The following TRPM7 variants were observed in gnomAD, a reference collection of about 807,000 sequenced individuals.
TRPM7 encodes the protein LTRPC ion channel family member 7.
TRPM7 carries 134 observed loss-of-function variants against 229.7 expected under a neutral mutation model. The observed-to-expected ratio is 0.58, with a 90% CI of 0.51 to 0.67. TRPM7 has a LOEUF of 0.67. Among genes scored for constraint, TRPM7 ranks in the 30% least tolerant of loss-of-function variants. The pLI is 0.00. For synonymous variants in TRPM7, 699 were observed against 715.2 expected (o/e 0.98, Z 0.36); for missense variants, 1,901 against 2,210.0 (o/e 0.86, Z 2.80).
intron 26 of TRPM7, among the ~76,000 whole-genome samples, chr15:50,590,217 T>C (rs1364851556): frequency 1.3e-5 from 2 of 151,724 alleles, no homozygotes; most frequent in African/African-American, 4.8e-5. Flanking sequence ...CAAACCAACA[T>C]GTGATATGAA....
chr15:50,679,251 C>G (rs2062173929), intron 1 of TRPM7, among the ~76,000 whole-genome samples: 2 of 150,896 alleles, frequency 1.3e-5, no homozygotes, highest in Admixed American at 1.3e-4. Context: ...GGCAGGATCA[C>G]TTGAGCCTAG....
At chr15:50,588,911 T>C (rs1318701762) in intron 27 of TRPM7, among the ~76,000 whole-genome samples, 1 of 152,206 alleles carries the variant, frequency 6.6e-6, no homozygotes. Flanking sequence ...TTCTCACTGC[T>C]AGACAATAGG....
intron 1 of TRPM7, among the ~76,000 whole-genome samples, chr15:50,669,088 G>A (rs910099239): frequency 3.3e-5 from 5 of 152,108 alleles, no homozygotes; most frequent in African/African-American, 1.2e-4. Context: ...CTCAAGAAGA[G>A]AGAAATTTAC....
intron 1 of TRPM7, among the ~76,000 whole-genome samples, chr15:50,666,082 GAAAT>G (rs376482429): frequency 2.0e-5 from 3 of 152,146 alleles, no homozygotes; most frequent in Admixed American, 6.6e-5. Flanking sequence ...TCAAAGGAAA[GAAAT>G]AAAATTAAAG....
intron 22 of TRPM7, among the ~76,000 whole-genome samples, chr15:50,596,777 G>A (rs948336335): frequency 5.9e-5 from 9 of 152,150 alleles, no homozygotes; most frequent in Non-Finnish European, 1.0e-4. Context: ...CTGAGACGGA[G>A]TCTTGCTCTG....
In TRPM7 at chr15:50,624,180, C is replaced by T; in HGVS notation, c.1426G>A (p.Glu476Lys). 1 of 1,606,402 alleles carries T rather than the reference C, an allele frequency of 6.2e-7. No individual in the cohort carries two copies. The highest frequency in any genetic ancestry group is 8.5e-7 in the Non-Finnish European group (1 of 1,177,678). Reference sequence around the variant, plus strand: ...TGTAGACTTACAGTGTTGTAAAGTTCTTCCAGTCTCGGAATGGTAAGGAAT... The same window carrying T: ...TGTAGACTTACAGTGTTGTAAAGTTTTTCCAGTCTCGGAATGGTAAGGAAT... The part of the protein sequence containing the change: ...HKFLTIPRLE[E>K]LYNTKQGPTN... Residue 476 changes from glutamate to lysine, a missense_variant, in exon 12 of 39, where the codon GAA becomes AAA. By Grantham distance (56) the Glu-to-Lys change is moderately conservative (BLOSUM62 1). This residue lies in a region of TRPM7 where 794 missense variants were observed against 881.9 expected (regional missense o/e 0.90). Coordinates refer to ENST00000646667, the MANE Select transcript of TRPM7 (RefSeq NM_017672.6).
At chr15:50,599,767 A>G (rs1401151493) in intron 21 of TRPM7, 2 of 152,202 alleles carry the variant, frequency 1.3e-5, no homozygotes, top group South Asian at 2.1e-4. Flanking sequence ...CTTCCCACCC[A>G]CCCTGAATCC....
intron 13 of TRPM7, among the ~76,000 whole-genome samples, chr15:50,617,230 G>C (rs545031407): frequency 9.2e-5 from 14 of 151,850 alleles, no homozygotes; most frequent in African/African-American, 3.1e-4. Flanking sequence ...CCAGCTACTC[G>C]GGAGGCTGAT....
intron 10 of TRPM7, among the ~76,000 whole-genome samples, chr15:50,629,409 A>G (rs1226342500): frequency 6.7e-6 from 1 of 149,458 alleles, no homozygotes; most frequent in African/African-American, 2.5e-5. Flanking sequence ...AGTAGCTGGG[A>G]CCACTGGTGT....
chr15:50,679,538 A>AATATATATATATATATATATATTT (rs2062195775), intron 1 of TRPM7, among the ~76,000 whole-genome samples: 4 of 43,904 alleles, frequency 9.1e-5, no homozygotes, highest in Admixed American at 3.3e-4. Flanking sequence ...ATATATATAT[A>AATATATATATATATATATATATTT]TTTTTTTTTT....
intron 11 of TRPM7, among the ~76,000 whole-genome samples, chr15:50,624,555 G>A (rs1351669802): frequency 2.0e-5 from 3 of 152,088 alleles, no homozygotes; most frequent in Non-Finnish European, 4.4e-5. Flanking sequence ...TGTTACATGG[G>A]GGAAAAAACA....
In TRPM7 at chr15:50,679,534, ATATATTTT is replaced by A. The variant is rs1190182297; in HGVS notation, c.3+6989_3+6996del. Among the ~76,000 whole-genome samples, 155 of 57,650 alleles carry A rather than the reference ATATATTTT, an allele frequency of 2.7e-3. 2 individuals are homozygous for A. In the Middle Eastern group the frequency reaches 0.033, roughly 12 times the overall value. The allele number at this position is 57,650 out of a possible 152,430, so 37.8% of individuals were successfully genotyped here. A position where few individuals can be genotyped will look rare whatever the true frequency, so the allele number is the denominator to read the frequency against. On this transcript the variant is annotated intron_variant, in intron 1 of 38. Transcript: ENST00000646667. ...ATAATATATATATATATATATATAT[ATATATTTT>A]TTTTTTTTTTTGAGACAGAGTCTTG...
chr15:50,648,045 GGAT>G (rs1178138811), intron 4 of TRPM7, among the ~76,000 whole-genome samples: 1 of 152,098 alleles, frequency 6.6e-6, no homozygotes, highest in Non-Finnish European at 1.5e-5. Context: ...AAAAGTGTTG[GGAT>G]GATAGGCGTG....
At chr15:50,629,973 T>C (rs2060683612) in intron 10 of TRPM7, among the ~76,000 whole-genome samples, 1 of 151,144 alleles carries the variant, frequency 6.6e-6, no homozygotes, top group African/African-American at 2.4e-5. Flanking sequence ...GCAATTCTTG[T>C]GCCTCAGCCT....
chr15:50,663,487 G>T (rs1452112849), intron 1 of TRPM7, among the ~76,000 whole-genome samples: 1 of 152,088 alleles, frequency 6.6e-6, no homozygotes, highest in Non-Finnish European at 1.5e-5. Flanking sequence ...ATAATCTGAG[G>T]ATGGCACCCC....
chr15:50,584,837 T>C (rs1434666130), intron 28 of TRPM7, among the ~76,000 whole-genome samples: 1 of 152,030 alleles, frequency 6.6e-6, no homozygotes, highest in Non-Finnish European at 1.5e-5. Flanking sequence ...GAATTCTTTT[T>C]CTTCCCTCCT....
At chr15:50,571,724 T>C (rs2053897320) in intron 36 of TRPM7, among the ~76,000 whole-genome samples, 1 of 134,358 alleles carries the variant, frequency 7.4e-6, no homozygotes, top group African/African-American at 2.5e-5. Context: ...TTGTTCTTTA[T>C]ATATTGCTAC....
chr15:50,651,262 T>G (rs2061412920), intron 3 of TRPM7, among the ~76,000 whole-genome samples: 1 of 151,988 alleles, frequency 6.6e-6, no homozygotes, highest in Non-Finnish European at 1.5e-5. Flanking sequence ...TAAAATAAAA[T>G]CACTAAATGA....
At chr15:50,611,435 G>C in intron 16 of TRPM7, 114 bp from the exon 17 acceptor site, 1 of 760,310 alleles carries the variant, frequency 1.3e-6, no homozygotes, top group Non-Finnish European at 2.1e-6. Flanking sequence ...CACACTTACA[G>C]AATTATGAGG....
Sources: allele counts gnomAD v4.1 joint callset (sites outside exome capture counted in the v4.1 genomes callset), GRCh38; gene constraint gnomAD v4.1.1; regional missense constraint gnomAD v4.1.1; transcripts MANE v1.5; gene names NCBI Gene and HGNC (gene_info 2026-07-23, HGNC 2026-07-21).